Variants in GALNT17 observed in about 807,000 individuals in gnomAD.
GALNT17 encodes UDP-GalNAc:polypeptide N-acetylgalactosaminyltransferase-like 3.
GALNT17 carries 29 observed loss-of-function variants against 63.7 expected under a neutral mutation model. The observed-to-expected ratio is 0.46, with a 90% CI of 0.34 to 0.62. The LOEUF is 0.62. GALNT17 is among the 20% of genes least tolerant of loss of function. GALNT17 has a pLI of 0.01. For synonymous variants in GALNT17, 305 were observed against 318.3 expected (o/e 0.96, Z 0.45); for missense variants, 603 against 799.6 (o/e 0.75, Z 2.97).
intron 1 of GALNT17, among the ~76,000 whole-genome samples, chr7:71,257,988 C>A (rs1460500529): frequency 6.6e-6 from 1 of 152,154 alleles, no homozygotes; most frequent in African/African-American, 2.4e-5. Flanking sequence ...GCTTCTAAAC[C>A]CAAATCATCG....
intron 1 of GALNT17, among the ~76,000 whole-genome samples, chr7:71,174,241 G>A (rs1788596165): frequency 6.6e-6 from 1 of 152,172 alleles, no homozygotes; most frequent in Admixed American, 6.5e-5. Flanking sequence ...CAGAGGAAGG[G>A]ACATCTGAGC....
At chr7:71,299,505 C>T (rs893929218) in intron 1 of GALNT17, among the ~76,000 whole-genome samples, 2 of 152,146 alleles carry the variant, frequency 1.3e-5, no homozygotes, top group African/African-American at 2.4e-5. Flanking sequence ...CCAGGCTCCA[C>T]GCATTCCACA....
At chr7:71,258,094 A>G (rs1583805630) in intron 1 of GALNT17, among the ~76,000 whole-genome samples, 2 of 152,294 alleles carry the variant, frequency 1.3e-5, no homozygotes, top group Middle Eastern at 6.8e-3. Flanking sequence ...CTCTTCCTTA[A>G]TGGCTGCCCT....
intron 5 of GALNT17, among the ~76,000 whole-genome samples, chr7:71,437,301 C>G (rs1786983531): frequency 6.6e-6 from 1 of 152,212 alleles, no homozygotes; most frequent in Non-Finnish European, 1.5e-5. Flanking sequence ...AACTCCCCAG[C>G]CTTCCAAGAT....
rs556724143 is a variant in GALNT17 at position 71,454,648 on chromosome 7, T to C, written c.962+33543T>C. On this transcript the variant is annotated intron_variant, in intron 5 of 10. Transcript: ENST00000333538. The stretch of plus-strand genomic sequence containing the variant: ...GGGGTGGCTAAATGTATGTATTTAA[T>C]AAGCTATAGGAGGAGTCATAAATAT... Among the ~76,000 whole-genome samples, 16 of 152,274 alleles carry C rather than the reference T, an allele frequency of 1.1e-4. 1 individual carries two copies. In the South Asian group the frequency reaches 3.3e-3, roughly 32 times the overall value.
intron 5 of GALNT17, among the ~76,000 whole-genome samples, chr7:71,455,028 T>A (rs1787329440): frequency 6.6e-6 from 1 of 151,538 alleles, no homozygotes; most frequent in African/African-American, 2.4e-5. Context: ...ATTAGCCAGG[T>A]GTGGTGGTAT....
intron 6 of GALNT17, among the ~76,000 whole-genome samples, chr7:71,600,248 G>GAAA (rs751929755): frequency 1.2e-4 from 16 of 137,734 alleles, no homozygotes; most frequent in African/African-American, 2.6e-4. Context: ...ATTAGGGAAG[G>GAAA]AAAAAAAAAA....
At chr7:71,538,821 C>T (rs1300469960) in intron 5 of GALNT17, among the ~76,000 whole-genome samples, 2 of 147,666 alleles carry the variant, frequency 1.4e-5, no homozygotes, top group Non-Finnish European at 3.0e-5. Context: ...GAGGGAAGGA[C>T]GGACAGTTGG....
intron 1 of GALNT17, among the ~76,000 whole-genome samples, chr7:71,231,990 C>T (rs979837394): frequency 5.9e-5 from 9 of 152,066 alleles, no homozygotes; most frequent in South Asian, 2.1e-4. Flanking sequence ...CTCAGTGGCT[C>T]CTCTCCCTTG....
chr7:71,390,309 C>T (rs918067107), intron 3 of GALNT17, among the ~76,000 whole-genome samples: 1 of 152,138 alleles, frequency 6.6e-6, no homozygotes, highest in Non-Finnish European at 1.5e-5. Flanking sequence ...CCTATTTAAT[C>T]AGCCTGGGAG....
At chr7:71,566,664 CTTT>C (rs568457006) in intron 5 of GALNT17, among the ~76,000 whole-genome samples, 4 of 131,588 alleles carry the variant, frequency 3.0e-5, no homozygotes, top group Middle Eastern at 4.2e-3. Flanking sequence ...CGAGATAAAG[CTTT>C]TTTTTTTTTT....
chr7:71,497,404 G>A (rs190733041), intron 5 of GALNT17, among the ~76,000 whole-genome samples: 1 of 152,178 alleles, frequency 6.6e-6, no homozygotes, highest in African/African-American at 2.4e-5. Flanking sequence ...GTCGAAGGCT[G>A]TCTTCTCTCT....
chr7:71,576,815 G>A (rs1258216806), intron 6 of GALNT17, among the ~76,000 whole-genome samples: 3 of 152,182 alleles, frequency 2.0e-5, no homozygotes, highest in Non-Finnish European at 2.9e-5. Context: ...TGATCTGCCC[G>A]CTTCGGTCTC....
intron 6 of GALNT17, among the ~76,000 whole-genome samples, chr7:71,633,873 A>G (rs1182191435): frequency 6.6e-6 from 1 of 152,202 alleles, no homozygotes; most frequent in African/African-American, 2.4e-5. Context: ...GTGCTCAGCG[A>G]CATCAAGCAT....
chr7:71,608,716 T>G lies in GALNT17; in HGVS notation c.1080+37314T>G, dbSNP rs182146758. On this transcript the variant is annotated intron_variant, in intron 6 of 10. Coordinates refer to ENST00000333538, the MANE Select transcript of GALNT17 (RefSeq NM_022479.3). The stretch of plus-strand genomic sequence containing the variant: ...GTCATAGAAGACCCTTTGTGAGTAG[T>G]GAGGGCTTGAAGAAGAGACCGAAAA... 6.4e-4 allele frequency among the ~76,000 whole-genome samples: 97 copies of G among 152,098 alleles called. No homozygotes were observed. The East Asian group carries it at 0.017, about 26-fold the overall frequency.
chr7:71,566,001 G>T (rs1459336707), intron 5 of GALNT17, among the ~76,000 whole-genome samples: 2 of 151,808 alleles, frequency 1.3e-5, no homozygotes, highest in Non-Finnish European at 2.9e-5. Flanking sequence ...GTGCTACTAG[G>T]CCTGGCTAAT....
chr7:71,424,920 T>C (rs1786731257), intron 5 of GALNT17, among the ~76,000 whole-genome samples: 1 of 152,212 alleles, frequency 6.6e-6, no homozygotes, highest in African/African-American at 2.4e-5. Context: ...CAACATAATA[T>C]AGGAGATTTG....
chr7:71,362,314 C>T (rs1405940412), intron 2 of GALNT17, among the ~76,000 whole-genome samples: 1 of 152,196 alleles, frequency 6.6e-6, no homozygotes, highest in Admixed American at 6.5e-5. Flanking sequence ...AACTTACATT[C>T]TGCCCCTGAG....
chr7:71,150,765 C>T (rs950879218), intron 1 of GALNT17, among the ~76,000 whole-genome samples: 4 of 151,856 alleles, frequency 2.6e-5, no homozygotes, highest in African/African-American at 9.7e-5. Context: ...CCACCTCGGC[C>T]TCCCAAAGTG....
Sources: gnomAD v4.1 joint callset for allele counts (sites outside exome capture counted in the v4.1 genomes callset) on GRCh38, gnomAD v4.1.1 for gene constraint, MANE v1.5 for transcripts, NCBI Gene and HGNC (gene_info 2026-07-23, HGNC 2026-07-21) for gene names.